KCNH1: variants seen among roughly 807,000 people sequenced by gnomAD.
KCNH1 encodes voltage-gated delayed rectifier potassium channel KCNH1.
KCNH1 carries 27 observed loss-of-function variants against 69.2 expected under a neutral mutation model. The observed-to-expected ratio is 0.39, with a 90% CI of 0.29 to 0.54. The LOEUF is 0.54. Ranked by LOEUF, KCNH1 falls within the 20% of genes least tolerant of loss-of-function variation. The pLI, the probability that KCNH1 is intolerant of heterozygous loss-of-function variation, is 0.68. For synonymous variants in KCNH1, 456 were observed against 487.7 expected, an observed-to-expected ratio of 0.93 and a Z score of 0.86; for missense variants, 798 against 1,261.6, an observed-to-expected ratio of 0.63 and a Z score of 5.57.
chr1:210,839,755 C>T (rs985771879), intron 7 of KCNH1, among the ~76,000 whole-genome samples: 2 of 152,204 alleles, frequency 1.3e-5, no homozygotes, highest in South Asian at 2.1e-4. Context: ...ATACTCTACT[C>T]GATTTCATTT....
At chr1:210,989,716 T>C (rs1688905557) in intron 6 of KCNH1, among the ~76,000 whole-genome samples, 1 of 152,306 alleles carries the variant, frequency 6.6e-6, no homozygotes. Flanking sequence ...GTGAAAACCA[T>C]CGGGGCTCTC....
chr1:211,042,301 A>AT (rs758166312), intron 5 of KCNH1, among the ~76,000 whole-genome samples: 36 of 152,184 alleles, frequency 2.4e-4, no homozygotes, highest in Admixed American at 5.9e-4. Context: ...ACATCTATCT[A>AT]TTTTTTTACT....
At chr1:210,712,994 C>T (rs1374305055) in intron 10 of KCNH1, among the ~76,000 whole-genome samples, 1 of 152,202 alleles carries the variant, frequency 6.6e-6, no homozygotes, top group African/African-American at 2.4e-5. Context: ...CGTGCACATC[C>T]TCCTCACTCT....
At chr1:210,805,855 CT>C (rs1684540004) in intron 7 of KCNH1, among the ~76,000 whole-genome samples, 1 of 152,168 alleles carries the variant, frequency 6.6e-6, no homozygotes, top group African/African-American at 2.4e-5. Context: ...CCATGACTAG[CT>C]TTTCACTTAA....
intron 6 of KCNH1, among the ~76,000 whole-genome samples, chr1:210,943,295 A>G (rs1277281877): frequency 1.3e-5 from 2 of 152,046 alleles, no homozygotes; most frequent in Non-Finnish European, 2.9e-5. Flanking sequence ...CAACCCAACT[A>G]TAATGGAACT....
intron 7 of KCNH1, chr1:210,860,163 T>A: frequency 8.6e-7 from 1 of 1,157,932 alleles, no homozygotes; most frequent in Non-Finnish European, 1.3e-6. Flanking sequence ...CAGACAGAAG[T>A]GTCTTGGTAT....
intron 1 of KCNH1, among the ~76,000 whole-genome samples, chr1:211,119,909 T>C (rs759144484): frequency 1.3e-5 from 2 of 152,224 alleles, no homozygotes; most frequent in Non-Finnish European, 2.9e-5. Flanking sequence ...ACTGGGTAGT[T>C]ACCCCTAAGT....
chr1:211,061,841 T>C (rs535834897), intron 5 of KCNH1, among the ~76,000 whole-genome samples: 2 of 152,220 alleles, frequency 1.3e-5, no homozygotes, highest in Admixed American at 1.3e-4. Context: ...GGAAAAGTAT[T>C]CCATGCCCAT....
At chr1:211,028,621 C>A (rs994756316) in intron 5 of KCNH1, among the ~76,000 whole-genome samples, 1 of 151,646 alleles carries the variant, frequency 6.6e-6, no homozygotes, top group Non-Finnish European at 1.5e-5. Context: ...TCACTATAAA[C>A]CCTGGAGACA....
chr1:210,982,444 G>A (rs971828897), intron 6 of KCNH1, among the ~76,000 whole-genome samples: 63 of 151,492 alleles, frequency 4.2e-4, no homozygotes, highest in Admixed American at 1.8e-3. Flanking sequence ...ACCAGTCCCC[G>A]GTATGTGATG....
chr1:210,761,112 C>T (rs571412742), intron 10 of KCNH1, among the ~76,000 whole-genome samples: 13 of 150,514 alleles, frequency 8.6e-5, no homozygotes, highest in African/African-American at 2.4e-4. Flanking sequence ...ATTAGCCGGG[C>T]GTAGTGGCGG....
At chr1:211,025,595 T>C (rs926096273) in intron 5 of KCNH1, among the ~76,000 whole-genome samples, 2 of 151,766 alleles carry the variant, frequency 1.3e-5, no homozygotes, top group African/African-American at 4.8e-5. Flanking sequence ...TGTGAAAGAG[T>C]CTTGGAACAT....
intron 5 of KCNH1, among the ~76,000 whole-genome samples, chr1:211,076,703 C>T (rs1690740195): frequency 6.6e-6 from 1 of 152,262 alleles, no homozygotes; most frequent in Non-Finnish European, 1.5e-5. Flanking sequence ...GCCTCTTCTC[C>T]TCCAAAGGAT....
intron 1 of KCNH1, among the ~76,000 whole-genome samples, chr1:211,118,156 T>C (rs1691617386): frequency 6.6e-6 from 1 of 152,214 alleles, no homozygotes; most frequent in Non-Finnish European, 1.5e-5. Context: ...TATTGGTGGG[T>C]CCATTTATAT....
intron 6 of KCNH1, among the ~76,000 whole-genome samples, chr1:210,998,688 C>G (rs1689104532): frequency 6.6e-6 from 1 of 152,202 alleles, no homozygotes; most frequent in Non-Finnish European, 1.5e-5. Flanking sequence ...GAACTCTCCA[C>G]CCCAAATCAA....
chr1:211,098,321 G>GAAAAAAAA (rs61005709), intron 3 of KCNH1, among the ~76,000 whole-genome samples: 2 of 128,330 alleles, frequency 1.6e-5, no homozygotes, highest in African/African-American at 6.0e-5. Flanking sequence ...ACCCTGTCTT[G>GAAAAAAAA]AAAAAAAAAA....
intron 7 of KCNH1, among the ~76,000 whole-genome samples, chr1:210,904,827 A>G (rs1392725705): frequency 6.6e-6 from 1 of 152,222 alleles, no homozygotes; most frequent in Non-Finnish European, 1.5e-5. Context: ...CACTCTGCCA[A>G]TGAAATAGAG....
At position 211,107,102 on chromosome 1, in the gene KCNH1, C is replaced by T. The variant is rs914248522; in HGVS notation, c.203+152G>A. 1.1e-4 allele frequency: 87 copies of T among 782,386 alleles called. 3 individuals carry two copies. In the South Asian group the frequency reaches 1.5e-3, roughly 13 times the overall value. 48.5% of individuals were successfully genotyped at this position (782,386 alleles called of 1,614,324 possible). A position where few individuals can be genotyped will look rare whatever the true frequency, so the allele number is the denominator to read the frequency against. On this transcript the variant is annotated intron_variant, in intron 2 of 10. Transcript: ENST00000271751. Reference sequence around the variant, plus strand: ...TACATCTGCTTTGATTTTCCCTGTACAGTACATGAACTAGAGATGATATGG... The same window carrying T: ...TACATCTGCTTTGATTTTCCCTGTATAGTACATGAACTAGAGATGATATGG...
intron 10 of KCNH1, among the ~76,000 whole-genome samples, chr1:210,761,249 CAAA>C (rs58988658): frequency 1.4e-3 from 53 of 37,106 alleles, no homozygotes; most frequent in East Asian, 0.011. Flanking sequence ...GAGACTCCGT[CAAA>C]AAAAAAAAAA....
Sources: gnomAD v4.1 joint callset for allele counts (sites outside exome capture counted in the v4.1 genomes callset) on GRCh38, gnomAD v4.1.1 for gene constraint, MANE v1.5 for transcripts, NCBI Gene and HGNC (gene_info 2026-07-23, HGNC 2026-07-21) for gene names.